Variants in MYO5B observed in about 807,000 individuals in gnomAD.
MYO5B encodes unconventional myosin-Vb.
Under a neutral mutation model 229.3 loss-of-function variants are expected in MYO5B, and 143 were observed. The ratio of observed to expected loss-of-function variants is 0.62; its 90% CI spans 0.54 to 0.72. The LOEUF is 0.72. MYO5B is among the 30% of genes least tolerant of loss of function. MYO5B has a pLI of 0.00. For missense variants in MYO5B, 2,321 were observed against 2,331.0 expected (o/e 1.00, Z 0.09); for synonymous variants, 918 against 885.2 (o/e 1.04, Z -0.66).
chr18:49,953,459 C>A, intron 13 of MYO5B, 116 bp from the exon 14 acceptor site: 1 of 847,570 alleles, frequency 1.2e-6, no homozygotes, highest in Non-Finnish European at 2.0e-6. Context: ...GATAGGAAAC[C>A]CACAGATGTT....
intron 2 of MYO5B, among the ~76,000 whole-genome samples, chr18:50,043,924 T>C (rs2144398471): frequency 6.6e-6 from 1 of 151,950 alleles, no homozygotes; most frequent in East Asian, 1.9e-4. Context: ...GACTACAAAT[T>C]GGGTTCAGTG....
intron 2 of MYO5B, among the ~76,000 whole-genome samples, chr18:50,054,873 C>T (rs1337737162): frequency 2.0e-5 from 3 of 152,144 alleles, no homozygotes; most frequent in African/African-American, 7.2e-5. Context: ...GGTCACAAAA[C>T]TAGTGATGGC....
chr18:49,997,789 C>T (rs555778907), intron 5 of MYO5B, among the ~76,000 whole-genome samples: 2 of 152,140 alleles, frequency 1.3e-5, no homozygotes, highest in South Asian at 4.1e-4. Flanking sequence ...ATTTCCGCCT[C>T]CTCAGACCTT....
At chr18:49,909,218 C>T (rs1474897123) in intron 18 of MYO5B, among the ~76,000 whole-genome samples, 2 of 152,192 alleles carry the variant, frequency 1.3e-5, no homozygotes, top group Admixed American at 6.5e-5. Flanking sequence ...TATGGGTGTC[C>T]AGATGTGGCC....
chr18:50,039,874 G>A (rs1395926572), intron 3 of MYO5B, among the ~76,000 whole-genome samples: 1 of 152,120 alleles, frequency 6.6e-6, no homozygotes, highest in African/African-American at 2.4e-5. Flanking sequence ...TCCTCTCCCA[G>A]GACTCCAAGG....
chr18:50,004,464 A>G (rs572329783), intron 4 of MYO5B, among the ~76,000 whole-genome samples: 1 of 152,370 alleles, frequency 6.6e-6, no homozygotes, highest in South Asian at 2.1e-4. Context: ...TCTGATGCTG[A>G]TATGTAGGCT....
chr18:49,856,932 G>C lies in MYO5B; in HGVS notation c.3945-42C>G, dbSNP rs757666861. ...GAAAAACAGGGTGTCCAGTGTAGAC[G>C]GAAGAGACAGGCAGGCAGGGAGTCC... On this transcript the variant is annotated intron_variant, in intron 29 of 39. Transcript: ENST00000285039. The C allele has an allele frequency of 2.9e-5, 44 of 1,518,810 alleles. No individual in the cohort carries two copies. The Middle Eastern group carries it at 5.1e-4, about 18-fold the overall frequency. The allele number at this position is 1,518,810 out of a possible 1,614,324, so 94.1% of individuals were successfully genotyped here. A position where few individuals can be genotyped will look rare whatever the true frequency, so the allele number is the denominator to read the frequency against.
intron 1 of MYO5B, among the ~76,000 whole-genome samples, chr18:50,192,564 G>GA (rs2033242966): frequency 6.6e-6 from 1 of 152,188 alleles, no homozygotes; most frequent in African/African-American, 2.4e-5. Flanking sequence ...AGCTTTAGCA[G>GA]AAAAACACCC....
chr18:50,036,523 G>A (rs562724142), intron 4 of MYO5B, among the ~76,000 whole-genome samples: 5 of 152,124 alleles, frequency 3.3e-5, no homozygotes, highest in Non-Finnish European at 7.4e-5. Context: ...GCTAGCAAAT[G>A]AATTATATTA....
At chr18:50,167,851 G>T (rs940715742) in intron 1 of MYO5B, among the ~76,000 whole-genome samples, 1 of 152,070 alleles carries the variant, frequency 6.6e-6, no homozygotes, top group Non-Finnish European at 1.5e-5. Flanking sequence ...AAGCCCATCT[G>T]CCCTCTGGCC....
chr18:50,043,078 T>C (rs1013942107), intron 2 of MYO5B, among the ~76,000 whole-genome samples: 2 of 151,438 alleles, frequency 1.3e-5, no homozygotes, highest in African/African-American at 4.9e-5. Context: ...AAACCCACTA[T>C]TGTGTATCTA....
chr18:49,834,183 A>G (rs1192662845), intron 39 of MYO5B, among the ~76,000 whole-genome samples: 2 of 152,200 alleles, frequency 1.3e-5, no homozygotes, highest in Non-Finnish European at 2.9e-5. Flanking sequence ...TCCCAGGAGT[A>G]TTCCAAAGGG....
intron 3 of MYO5B, among the ~76,000 whole-genome samples, chr18:50,039,912 G>GTGT (rs1202224113): frequency 6.6e-6 from 1 of 152,116 alleles, no homozygotes; most frequent in African/African-American, 2.4e-5. Flanking sequence ...GCACCACATG[G>GTGT]TGTGACCCAT....
intron 2 of MYO5B, among the ~76,000 whole-genome samples, chr18:50,045,391 G>A (rs77149557): frequency 0.027 from 4,099 of 152,226 alleles, 71 homozygotes; most frequent in Non-Finnish European, 0.042. Flanking sequence ...TGAGTTTGGA[G>A]TCCTGAGAGT....
At chr18:50,141,182 A>C (rs570501418) in intron 1 of MYO5B, among the ~76,000 whole-genome samples, 1 of 152,348 alleles carries the variant, frequency 6.6e-6, no homozygotes, top group South Asian at 2.1e-4. Context: ...ACAGCTTTCC[A>C]TAAGACAGGC....
At chr18:49,892,552 A>G (rs898183529) in intron 22 of MYO5B, among the ~76,000 whole-genome samples, 1 of 152,212 alleles carries the variant, frequency 6.6e-6, no homozygotes, top group African/African-American at 2.4e-5. Context: ...GGTCTCATCA[A>G]TCTCGCTCAA....
intron 4 of MYO5B, among the ~76,000 whole-genome samples, chr18:50,024,040 C>T (rs2026305114): frequency 6.6e-6 from 1 of 152,104 alleles, no homozygotes; most frequent in Non-Finnish European, 1.5e-5. Context: ...AGTGACAACC[C>T]CATACAGGCA....
chr18:49,961,451 A>T (rs1202046450), intron 12 of MYO5B, among the ~76,000 whole-genome samples: 1 of 152,270 alleles, frequency 6.6e-6, no homozygotes, highest in Non-Finnish European at 1.5e-5. Flanking sequence ...CTGAAAGGAA[A>T]CACTTCCTAC....
chr18:50,074,514 C>A (rs1224339181), intron 1 of MYO5B, among the ~76,000 whole-genome samples: 2 of 152,188 alleles, frequency 1.3e-5, no homozygotes, highest in Non-Finnish European at 2.9e-5. Context: ...CCAACCTCAT[C>A]TCTTTCCATC....
Sources: allele counts gnomAD v4.1 joint callset (sites outside exome capture counted in the v4.1 genomes callset), GRCh38; gene constraint gnomAD v4.1.1; transcripts MANE v1.5; gene names NCBI Gene and HGNC (gene_info 2026-07-23, HGNC 2026-07-21).